PLCB1: variants seen among roughly 807,000 people sequenced by gnomAD.
PLCB1 encodes the protein 1-phosphatidylinositol 4,5-bisphosphate phosphodiesterase beta-1.
PLCB1 carries 46 observed loss-of-function variants against 161.8 expected under a neutral mutation model. The ratio of observed to expected loss-of-function variants is 0.28; its 90% CI spans 0.22 to 0.36. PLCB1 has a LOEUF of 0.36. PLCB1 is among the 10% of genes least tolerant of loss of function. The probability of loss-of-function intolerance (pLI) is 1.00; values close to 1 mark genes in which losing one functional copy is unlikely to be tolerated. For synonymous variants in PLCB1, 517 were observed against 503.7 expected (o/e 1.03, Z -0.35); for missense variants, 1,016 against 1,472.5 (o/e 0.69, Z 5.07).
chr20:8,295,696 C>CTA (rs529927456), intron 2 of PLCB1, among the ~76,000 whole-genome samples: 51 of 151,940 alleles, frequency 3.4e-4, no homozygotes, highest in African/African-American at 4.3e-4. Flanking sequence ...TAGTCTCTCT[C>CTA]TATATATATA....
chr20:8,418,652 AATT>A (rs1173713656), intron 3 of PLCB1, among the ~76,000 whole-genome samples: 1 of 152,000 alleles, frequency 6.6e-6, no homozygotes, highest in African/African-American at 2.4e-5. Flanking sequence ...GGTTTTGAAA[AATT>A]ATATTGTAAT....
chr20:8,804,359 A>G (rs550073337), intron 31 of PLCB1, among the ~76,000 whole-genome samples: 54 of 152,328 alleles, frequency 3.5e-4, no homozygotes, highest in African/African-American at 1.2e-3. Context: ...ATTTTAAGAA[A>G]GAGACAAATA....
intron 2 of PLCB1, among the ~76,000 whole-genome samples, chr20:8,161,162 A>G (rs2051617893): frequency 6.6e-6 from 1 of 152,024 alleles, no homozygotes; most frequent in Non-Finnish European, 1.5e-5. Flanking sequence ...ACATATTTTT[A>G]TACATATATT....
chr20:8,802,331 T>G, intron 31 of PLCB1: 92 of 513,148 alleles, frequency 1.8e-4, no homozygotes, highest in Middle Eastern at 4.9e-4. Flanking sequence ...CCATGATCAT[T>G]TCCTCATCCT....
At chr20:8,638,940 G>A (rs1988853935) in intron 4 of PLCB1, among the ~76,000 whole-genome samples, 1 of 151,652 alleles carries the variant, frequency 6.6e-6, no homozygotes, top group African/African-American at 2.4e-5. Context: ...ACAAATTAAG[G>A]ATTTTTAATT....
chr20:8,523,358 T>A (rs1984424977), intron 3 of PLCB1, among the ~76,000 whole-genome samples: 1 of 146,868 alleles, frequency 6.8e-6, no homozygotes, highest in African/African-American at 2.5e-5. Flanking sequence ...AAAATTAGAG[T>A]CAAGAGGAAG....
intron 31 of PLCB1, among the ~76,000 whole-genome samples, chr20:8,834,519 A>AGTCCCAGTTTGAGTTGAGCAGC (rs1429404546): frequency 6.6e-6 from 1 of 152,198 alleles, no homozygotes; most frequent in Non-Finnish European, 1.5e-5. Flanking sequence ...TTGAGTTCAA[A>AGTCCCAGTTTGAGTTGAGCAGC]AGCCACAGGC....
intron 9 of PLCB1, among the ~76,000 whole-genome samples, chr20:8,662,644 T>G (rs1038185906): frequency 6.7e-6 from 1 of 149,058 alleles, no homozygotes; most frequent in African/African-American, 2.5e-5. Context: ...TATTACTTCT[T>G]GAAATCCAAC....
intron 3 of PLCB1, among the ~76,000 whole-genome samples, chr20:8,502,180 T>A (rs1490809559): frequency 6.6e-6 from 1 of 152,034 alleles, no homozygotes; most frequent in Non-Finnish European, 1.5e-5. Context: ...AAAACCAAAA[T>A]TACCAGTGTT....
chr20:8,767,561 A>G (rs1982393097), intron 26 of PLCB1, among the ~76,000 whole-genome samples: 1 of 151,980 alleles, frequency 6.6e-6, no homozygotes, highest in African/African-American at 2.4e-5. Flanking sequence ...CTGCCTCTAA[A>G]CTCCAACAAA....
At chr20:8,855,777 C>A (rs1252913907) in intron 31 of PLCB1, among the ~76,000 whole-genome samples, 1 of 152,164 alleles carries the variant, frequency 6.6e-6, no homozygotes, top group East Asian at 1.9e-4. Flanking sequence ...ATATCAAATT[C>A]ATGTCATAAG....
chr20:8,642,169 G>A (rs993246491), intron 4 of PLCB1, among the ~76,000 whole-genome samples: 4 of 151,806 alleles, frequency 2.6e-5, no homozygotes, highest in Non-Finnish European at 5.9e-5. Flanking sequence ...ATGTATGATT[G>A]GCAATCATTT....
chr20:8,140,195 A>G (rs1362185958), intron 1 of PLCB1, among the ~76,000 whole-genome samples: 1 of 152,170 alleles, frequency 6.6e-6, no homozygotes, highest in Admixed American at 6.5e-5. Flanking sequence ...GCTCTCCCCA[A>G]GGGTCTGTGC....
At chr20:8,825,958 A>C (rs1985674460) in intron 31 of PLCB1, among the ~76,000 whole-genome samples, 1 of 152,144 alleles carries the variant, frequency 6.6e-6, no homozygotes, top group South Asian at 2.1e-4. Context: ...TGTGCAACTG[A>C]GTGGATTTTG....
intron 9 of PLCB1, among the ~76,000 whole-genome samples, chr20:8,676,097 C>T (rs577474095): frequency 3.3e-5 from 5 of 152,356 alleles, no homozygotes; most frequent in African/African-American, 1.2e-4. Flanking sequence ...AGGCCGGGCG[C>T]GGCGGCTCCC....
At chr20:8,713,587 C>T (rs1286578795) in intron 12 of PLCB1, among the ~76,000 whole-genome samples, 1 of 152,184 alleles carries the variant, frequency 6.6e-6, no homozygotes, top group African/African-American at 2.4e-5. Flanking sequence ...GTTAGAGCTG[C>T]AGCTGAGTCC....
At chr20:8,730,553 A>G (rs1289185109) in intron 18 of PLCB1, among the ~76,000 whole-genome samples, 3 of 151,698 alleles carry the variant, frequency 2.0e-5, no homozygotes, top group African/African-American at 7.3e-5. Context: ...TTAATTTTCA[A>G]TTCCTTTTTT....
At chr20:8,587,088 A>G (rs1322785210) in intron 3 of PLCB1, among the ~76,000 whole-genome samples, 1 of 152,084 alleles carries the variant, frequency 6.6e-6, no homozygotes, top group Non-Finnish European at 1.5e-5. Context: ...CATAAATGTT[A>G]TTAGGTTTGT....
At chr20:8,353,713 T>C (rs902493614) in intron 2 of PLCB1, among the ~76,000 whole-genome samples, 1 of 152,004 alleles carries the variant, frequency 6.6e-6, no homozygotes, top group Non-Finnish European at 1.5e-5. Flanking sequence ...TCCTCAAAAC[T>C]GTTAAGGTCA....
Sources: gnomAD v4.1 joint callset for allele counts (sites outside exome capture counted in the v4.1 genomes callset) on GRCh38, gnomAD v4.1.1 for gene constraint, MANE v1.5 for transcripts, NCBI Gene and HGNC (gene_info 2026-07-23, HGNC 2026-07-21) for gene names.